BACH1: variants seen among roughly 807,000 people sequenced by gnomAD.
BACH1 encodes BTB domain and CNC homolog 1, also known as transcription regulator protein BACH1.
BACH1 carries 35 observed loss-of-function variants against 52.9 expected under a neutral mutation model. The ratio of observed to expected loss-of-function variants is 0.66; its 90% CI spans 0.51 to 0.88. BACH1 has a LOEUF of 0.88. BACH1 is among the 40% of genes least tolerant of loss of function. The pLI, the probability that BACH1 is intolerant of heterozygous loss-of-function variation, is 0.00. For missense variants in BACH1, 808 were observed against 872.6 expected, an observed-to-expected ratio of 0.93 and a Z score of 0.93; for synonymous variants, 321 against 319.6, an observed-to-expected ratio of 1.00 and a Z score of -0.05.
At position 29,300,316 on chromosome 21, in the gene BACH1, G is replaced by A. The variant is rs1338524971; in HGVS notation, c.-61+1363G>A. 3 of 152,344 alleles carry A rather than the reference G, an allele frequency of 2.0e-5. No homozygotes were observed. The East Asian group carries it at 5.8e-4, about 29-fold the overall frequency. The allele number at this position is 152,344 out of a possible 1,614,324, so 9.4% of individuals were successfully genotyped here. ...GGATGACTCTCTAAAAAGTTGGGTT[G>A]CTGAGTCATTCGCCCCAGCTTGAGA... is the stretch of plus-strand genomic sequence containing the variant. On this transcript the variant is annotated intron_variant, in intron 1 of 4. Coordinates refer to ENST00000286800, the MANE Select transcript of BACH1 (RefSeq NM_001186.4).
intron 1 of BACH1, among the ~76,000 whole-genome samples, chr21:29,318,334 T>C (rs1340631611): frequency 6.6e-6 from 1 of 152,156 alleles, no homozygotes; most frequent in African/African-American, 2.4e-5. Flanking sequence ...CAGTAAGAGA[T>C]TGGATAGAGG....
intron 2 of BACH1, among the ~76,000 whole-genome samples, chr21:29,357,225 G>T (rs2089240106): frequency 6.6e-6 from 1 of 152,190 alleles, no homozygotes; most frequent in Non-Finnish European, 1.5e-5. Context: ...TGGGGGAAGA[G>T]GCTTACTTTC....
downstream of BACH1, among the ~76,000 whole-genome samples, chr21:29,350,925 C>T (rs1490319111): frequency 2.6e-5 from 4 of 152,190 alleles, no homozygotes; most frequent in African/African-American, 9.7e-5. Flanking sequence ...CTCATCTGCA[C>T]ACTCCACTAC....
intron 1 of BACH1, among the ~76,000 whole-genome samples, chr21:29,308,517 C>A (rs182191792): frequency 1.9e-3 from 287 of 152,168 alleles, no homozygotes; most frequent in Non-Finnish European, 3.5e-3. Context: ...ACCCTCACCC[C>A]CCTTTTTGAC....
intron 2 of BACH1, among the ~76,000 whole-genome samples, chr21:29,325,653 G>A (rs1317607822): frequency 6.6e-6 from 1 of 152,200 alleles, no homozygotes; most frequent in Admixed American, 6.5e-5. Context: ...AGCAGTTGGA[G>A]TTGTTTGGAA....
chr21:29,315,624 CCA>C (rs375264574), intron 1 of BACH1, among the ~76,000 whole-genome samples: 3 of 151,408 alleles, frequency 2.0e-5, no homozygotes, highest in Admixed American at 1.3e-4. Context: ...TTGTGGCCAA[CCA>C]CACACACACA....
chr21:29,304,974 A>G (rs1470856821), intron 1 of BACH1, among the ~76,000 whole-genome samples: 1 of 152,176 alleles, frequency 6.6e-6, no homozygotes, highest in Non-Finnish European at 1.5e-5. Flanking sequence ...TGTGTATTTT[A>G]TATTTAAATA....
In BACH1 at chr21:29,345,135, T is replaced by C. The variant is rs1437026424; in HGVS notation, c.*2302T>C. ...TACACTACCTCATATCTACATGATTTTCAAGTTGTAATGCAGATGGACAGA... is the reference window on the plus strand; with the variant it reads ...TACACTACCTCATATCTACATGATTCTCAAGTTGTAATGCAGATGGACAGA... On this transcript the variant is annotated 3_prime_UTR_variant, in exon 5 of 5. Coordinates refer to ENST00000286800, the MANE Select transcript of BACH1 (RefSeq NM_001186.4). 1 of 152,652 alleles carries C rather than the reference T, an allele frequency of 6.6e-6. No individual in the cohort carries two copies. Among genetic ancestry groups the C allele is most frequent in the Non-Finnish European group, 1.5e-5 (1 of 68,026 alleles). The allele number at this position is 152,652 out of a possible 1,614,324, so 9.5% of individuals were successfully genotyped here. A position where few individuals can be genotyped will look rare whatever the true frequency, so the allele number is the denominator to read the frequency against.
chr21:29,311,618 G>C (rs1039075804), intron 1 of BACH1, among the ~76,000 whole-genome samples: 2 of 151,818 alleles, frequency 1.3e-5, no homozygotes, highest in African/African-American at 4.8e-5. Flanking sequence ...TATTACTGTG[G>C]GTGATGATTT....
downstream of BACH1, among the ~76,000 whole-genome samples, chr21:29,348,727 G>A (rs1241384046): frequency 6.6e-6 from 1 of 152,112 alleles, no homozygotes; most frequent in Non-Finnish European, 1.5e-5. Context: ...GTATACAGGC[G>A]TTTTCAGGCC....
chr21:29,339,902 C>G (rs1302735685), intron 4 of BACH1, among the ~76,000 whole-genome samples: 1 of 152,194 alleles, frequency 6.6e-6, no homozygotes, highest in Non-Finnish European at 1.5e-5. Context: ...TCCCAAAGTG[C>G]TGGGATTACA....
intron 3 of BACH1, among the ~76,000 whole-genome samples, chr21:29,328,269 TAATC>T (rs1433733372): frequency 6.6e-6 from 1 of 152,224 alleles, no homozygotes; most frequent in Non-Finnish European, 1.5e-5. Context: ...GGTATGATAT[TAATC>T]AAAGCAAGCT....
At chr21:29,327,952 G>A (rs868202976) in intron 3 of BACH1, among the ~76,000 whole-genome samples, 2 of 152,046 alleles carry the variant, frequency 1.3e-5, no homozygotes, top group Admixed American at 1.3e-4. Flanking sequence ...TTCACACATC[G>A]GCCATTTAAT....
chr21:29,308,660 A>G (rs73897750), intron 1 of BACH1, among the ~76,000 whole-genome samples: 1,755 of 152,340 alleles, frequency 0.012, 35 homozygotes, highest in African/African-American at 0.04. Flanking sequence ...TTGGCCATCA[A>G]CTAGTTTTAG....
intron 1 of BACH1, among the ~76,000 whole-genome samples, chr21:29,313,517 A>G (rs2088751957): frequency 6.6e-6 from 1 of 152,238 alleles, no homozygotes; most frequent in East Asian, 1.9e-4. Flanking sequence ...AATAATCCCA[A>G]ATTCAGAACA....
intron 4 of BACH1, among the ~76,000 whole-genome samples, chr21:29,339,763 A>G: frequency 6.8e-6 from 1 of 148,120 alleles, no homozygotes; most frequent in East Asian, 2.0e-4. Context: ...CTGCCCTTTT[A>G]GCTAGGTTTA....
intron 1 of BACH1, among the ~76,000 whole-genome samples, chr21:29,303,629 G>GT (rs1381198022): frequency 6.6e-6 from 1 of 152,160 alleles, no homozygotes; most frequent in Non-Finnish European, 1.5e-5. Flanking sequence ...AGTAATTCTA[G>GT]TTCATCTCCT....
chr21:29,344,141 A>G lies in BACH1; in HGVS notation c.*1308A>G, dbSNP rs1411544797. The G allele has an allele frequency of 6.6e-6, 1 of 152,256 alleles. No homozygotes were observed. The highest frequency in any genetic ancestry group is 2.4e-5 in the African/African-American group (1 of 41,466). 9.4% of individuals were successfully genotyped at this position (152,256 alleles called of 1,614,324 possible). A position where few individuals can be genotyped will look rare whatever the true frequency, so the allele number is the denominator to read the frequency against. The stretch of plus-strand genomic sequence containing the variant: ...GGGGTTAGATGTGTTTGAGAGTCAA[A>G]TGAAAGCTATGGATCTTCTCAGCAA... On this transcript the variant is annotated 3_prime_UTR_variant, in exon 5 of 5. Transcript: ENST00000286800.
At chr21:29,346,856 G>A (rs750316732), downstream of BACH1, among the ~76,000 whole-genome samples, 2 of 68,800 alleles carry the variant, frequency 2.9e-5, no homozygotes, top group African/African-American at 1.8e-4. Context: ...AGTCTGAATC[G>A]GGAGAAGATG....
Sources: allele counts gnomAD v4.1 joint callset (sites outside exome capture counted in the v4.1 genomes callset), GRCh38; gene constraint gnomAD v4.1.1; transcripts MANE v1.5; gene names NCBI Gene and HGNC (gene_info 2026-07-23, HGNC 2026-07-21).